Variants in MAP3K11 observed in about 807,000 individuals in gnomAD.
The protein encoded by MAP3K11 is SH3 domain-containing proline-rich kinase.
A neutral mutation model predicts 84.9 loss-of-function variants in MAP3K11; 46 were observed. The observed-to-expected ratio is 0.54, with a 90% CI of 0.43 to 0.69. The LOEUF (loss-of-function observed/expected upper bound fraction) is 0.69, where lower values mean the gene tolerates loss of function less well. Ranked by LOEUF, MAP3K11 falls within the 30% of genes least tolerant of loss-of-function variation. The pLI is 0.00. For synonymous variants in MAP3K11, 527 were observed against 514.7 expected, an observed-to-expected ratio of 1.02 and a Z score of -0.32; for missense variants, 1,053 against 1,198.3, an observed-to-expected ratio of 0.88 and a Z score of 1.79.
chr11:65,598,775 C>T (rs971123784), intron 9 of MAP3K11, 147 bp from the exon 10 acceptor site: 1 of 554,908 alleles, frequency 1.8e-6, no homozygotes, highest in Non-Finnish European at 2.9e-6. Context: ...TCCGTGGTGC[C>T]TCTGTTTTTT....
intron 8 of MAP3K11, among the ~76,000 whole-genome samples, chr11:65,605,168 A>G (rs571622816): frequency 7.9e-5 from 12 of 152,140 alleles, no homozygotes; most frequent in African/African-American, 2.9e-4. Context: ...CTCTTCATCA[A>G]TGCTTGGAGG....
chr11:65,613,434 G>C lies in MAP3K11; in HGVS notation c.323C>G (p.Pro108Arg), dbSNP rs1400573402. Reference protein sequence around the residue: ...NYVSRGGGPPPCEVASFQELR... With the variant: ...NYVSRGGGPPRCEVASFQELR... ...CTCCTGGAAGCTGGCCACCTCGCAG[G>C]GGGGCGGGCCGCCACCCCGAGACAC... Residue 108 changes from proline (P) to arginine (R), a missense_variant, in exon 1 of 10, where the codon CCC becomes CGC. By Grantham distance (103) the Pro-to-Arg change is moderately radical. This residue lies in a region of MAP3K11 where 160 missense variants were observed against 167.3 expected (regional missense o/e 0.96). Coordinates refer to ENST00000309100, the MANE Select transcript of MAP3K11 (RefSeq NM_002419.4). 1 of 1,612,386 alleles carries C rather than the reference G, an allele frequency of 6.2e-7. No individual in the cohort carries two copies.
chr11:65,610,690 G>A (rs1327740642), intron 1 of MAP3K11: 1 of 152,266 alleles, frequency 6.6e-6, no homozygotes, highest in African/African-American at 2.4e-5. Flanking sequence ...TTCTTGGCCT[G>A]TCTCTAGCCA....
chr11:65,601,553 G>A (rs1417614491), intron 8 of MAP3K11, among the ~76,000 whole-genome samples: 1 of 151,886 alleles, frequency 6.6e-6, no homozygotes, highest in Non-Finnish European at 1.5e-5. Flanking sequence ...TCAGGAGATC[G>A]AGACCATCCT....
intron 8 of MAP3K11, 152 bp from the exon 9 acceptor site, chr11:65,599,920 T>G: frequency 1.3e-6 from 1 of 798,350 alleles, no homozygotes; most frequent in Non-Finnish European, 1.9e-6. Flanking sequence ...CCCCATCACA[T>G]ACCCACATTC....
Position 65,605,991 on chromosome 11 carries a change from G to T in MAP3K11, c.1694C>A (p.Ala565Asp). Residue 565 changes from alanine to aspartate, a missense_variant, in exon 7 of 10, where the codon GCT (alanine) becomes GAT (aspartate). By Grantham distance (126) the Ala-to-Asp change is moderately radical. This residue lies in a region of MAP3K11 where 583 missense variants were observed against 566.6 expected (regional missense o/e 1.03). Coordinates refer to ENST00000309100, the MANE Select transcript of MAP3K11 (RefSeq NM_002419.4). Reference sequence around the variant, plus strand: ...AGGCTTGGGGGAACTGGGACCCCAAGCCCAGCATGCTCGCCGCTCTCCATT... The same window carrying T: ...AGGCTTGGGGGAACTGGGACCCCAATCCCAGCATGCTCGCCGCTCTCCATT... ...SSNGERRACW[A>D]WGPSSPKPGE... is the part of the protein sequence containing the mutation. 6.2e-7 allele frequency: 1 copy of T among 1,602,230 alleles called. No individual in the cohort carries two copies.
chr11:65,605,787 G>A lies in MAP3K11; in HGVS notation c.1805C>T (p.Ser602Phe). 2 of 1,611,064 alleles carry A rather than the reference G, an allele frequency of 1.2e-6. No homozygotes were observed. Among genetic ancestry groups the A allele is most frequent in the Non-Finnish European group, 1.7e-6 (2 of 1,178,784 alleles). Residue 602 changes from serine to phenylalanine, a missense_variant, in exon 8 of 10, where the codon TCT (serine) becomes TTT (phenylalanine). Transcript: ENST00000309100. ...LDSDDSSPLGSPSTPPALNGN... is the reference protein window; with the variant it reads ...LDSDDSSPLGFPSTPPALNGN... ...ATTGAGTGCTGGGGGTGTGGAAGGA[G>A]ATCCTAAGGGGGATGAGTCATCTGA... is the stretch of plus-strand genomic sequence containing the variant.
At chr11:65,606,663 G>C in intron 6 of MAP3K11, 28 bp downstream of exon 6, 2 of 1,483,222 alleles carry the variant, frequency 1.3e-6, no homozygotes, top group South Asian at 1.2e-5. Flanking sequence ...GGGGGGCGGA[G>C]AGGGGCATGA....
intron 1 of MAP3K11, 137 bp downstream of exon 1, chr11:65,612,881 G>A (rs1312075117): frequency 4.9e-6 from 5 of 1,010,778 alleles, no homozygotes; most frequent in African/African-American, 1.7e-5. Flanking sequence ...TTGAGCCCAT[G>A]GGCACCCCTG....
Position 65,599,593 on chromosome 11 carries a change from G to C in MAP3K11, c.2007C>G (p.Arg669=), listed in dbSNP as rs1325502326. The change falls in exon 9 of 10, where the codon CGC becomes CGG. Residue 669 remains arginine (R), a synonymous_variant. Transcript: ENST00000309100. ...RDLQPPGGPG[R]ERGESPTTPP... ...GTGTTGTCGGGGACTCCCCGCGCTC[G>C]CGTCCTGGGCCTCCCGGCGGCTGCA... is the stretch of plus-strand genomic sequence containing the variant. The C allele has an allele frequency of 1.3e-6, 2 of 1,523,404 alleles. No individual in the cohort carries two copies. The highest frequency in any genetic ancestry group is 1.7e-6 in the Non-Finnish European group (2 of 1,143,990). 94.4% of individuals were successfully genotyped at this position (1,523,404 alleles called of 1,614,324 possible).
At chr11:65,612,861 G>T (rs1022052668) in intron 1 of MAP3K11, 157 bp downstream of exon 1, 1 of 745,680 alleles carries the variant, frequency 1.3e-6, no homozygotes, top group Middle Eastern at 2.7e-4. Context: ...GGCTCTGTTT[G>T]GGGGCTAGCT....
chr11:65,602,264 C>T (rs1251136617), intron 8 of MAP3K11, among the ~76,000 whole-genome samples: 1 of 150,066 alleles, frequency 6.7e-6, no homozygotes. Flanking sequence ...ATAATCCCAG[C>T]ACTTTGGGAG....
Position 65,602,021 on chromosome 11 carries a change from G to A in MAP3K11, c.1832-2253C>T, listed in dbSNP as rs1476971617. On this transcript the variant is annotated intron_variant, in intron 8 of 9. Coordinates refer to ENST00000309100, the MANE Select transcript of MAP3K11 (RefSeq NM_002419.4). ...AATCGAGACCATCCTGGCCAACATG[G>A]TGAAACCCTGTCTCTACTAAAAAAT... Among the ~76,000 whole-genome samples the A allele has an allele frequency of 2.0e-5, 3 of 151,346 alleles. No homozygotes were observed. In the East Asian group the frequency reaches 5.9e-4, roughly 30 times the overall value.
Position 65,606,046 on chromosome 11 carries a change from G to T in MAP3K11, c.1639C>A (p.Gln547Lys). 1 of 1,590,730 alleles carries T rather than the reference G, an allele frequency of 6.3e-7. No homozygotes were observed. The highest frequency in any genetic ancestry group is 8.5e-7 in the Non-Finnish European group (1 of 1,169,638). The change falls in exon 7 of 10, where the codon CAG becomes AAG. Residue 547 changes from glutamine to lysine, a missense_variant. Gln to Lys is a moderately conservative substitution (Grantham distance 53). Coordinates refer to ENST00000309100, the MANE Select transcript of MAP3K11 (RefSeq NM_002419.4). ...PAEPGQAWGR[Q>K]SPRRLEDSSN... ...GAGTCCTCCAGACGTCGGGGGGACT[G>T]GCGGCCCCATGCCTGGCCTGGCTCT...
In MAP3K11 at chr11:65,598,566, G is replaced by A. The variant is rs1244127009; in HGVS notation, c.2269C>T (p.Arg757Cys). 6.2e-6 allele frequency: 10 copies of A among 1,602,590 alleles called. No individual in the cohort carries two copies. The highest frequency in any genetic ancestry group is 1.7e-5 in the Admixed American group (1 of 58,510). ...CTGATGAGGCCCAGGGGTGGTGAAC[G>A]TGGGGTGCCTGGGGTGCCAGGAGCA... ...RSAPGTPGTP[R>C]SPPLGLISRP... Residue 757 changes from arginine to cysteine, a missense_variant, in exon 10 of 10, where the codon CGT (arginine) becomes TGT (cysteine). Arg to Cys is a radical substitution (Grantham distance 180). Transcript: ENST00000309100.
At chr11:65,606,643 A>C in intron 6 of MAP3K11, 48 bp downstream of exon 6, 1 of 1,365,382 alleles carries the variant, frequency 7.3e-7, no homozygotes, top group Admixed American at 2.2e-5. Flanking sequence ...CTGACAGAGA[A>C]TAAGGAGCTG....
Position 65,605,838 on chromosome 11 carries a change from A to T in MAP3K11, c.1754T>A (p.Met585Lys). 2 of 1,613,498 alleles carry T rather than the reference A, an allele frequency of 1.2e-6. No individual in the cohort carries two copies. The highest frequency in any genetic ancestry group is 1.7e-6 in the Non-Finnish European group (2 of 1,179,710). The stretch of plus-strand genomic sequence containing the variant: ...ATCCAGGTACCATGTGGCTTCGTCC[A>T]TGCGGGACCTTCTCCTGGTGATGGG... ...EAQNGRRRSR[M>K]DEATWYLDSD... is the part of the protein sequence containing the mutation. The change falls in exon 8 of 10, where the codon ATG (methionine) becomes AAG (lysine). Residue 585 changes from methionine to lysine, a missense_variant. Physicochemically the swap from Met to Lys is moderately conservative, Grantham distance 95. Coordinates refer to ENST00000309100, the MANE Select transcript of MAP3K11 (RefSeq NM_002419.4).
chr11:65,606,585 G>A (rs1854510351), intron 6 of MAP3K11, 106 bp downstream of exon 6: 1 of 773,654 alleles, frequency 1.3e-6, no homozygotes, highest in East Asian at 2.9e-5. Flanking sequence ...GCCTGGGGGC[G>A]GGGAGGAAGA....
intron 6 of MAP3K11, 96 bp from the exon 7 acceptor site, chr11:65,606,177 G>C: frequency 7.3e-7 from 1 of 1,363,676 alleles, no homozygotes; most frequent in Non-Finnish European, 9.7e-7. Flanking sequence ...TGGGGAGCAG[G>C]CTGGGCCCTG....
Sources: allele counts gnomAD v4.1 joint callset (sites outside exome capture counted in the v4.1 genomes callset), GRCh38; gene constraint gnomAD v4.1.1; regional missense constraint gnomAD v4.1.1; transcripts MANE v1.5; gene names NCBI Gene and HGNC (gene_info 2026-07-23, HGNC 2026-07-21).